The following ELMO1 variants were observed in gnomAD, a reference collection of about 807,000 sequenced individuals.
ELMO1 encodes the protein engulfment and cell motility protein 1.
A neutral mutation model predicts 98.9 loss-of-function variants in ELMO1; 26 were observed. That is an observed-to-expected ratio of 0.26 (90% CI 0.19 to 0.36). The LOEUF (loss-of-function observed/expected upper bound fraction) is 0.36, where lower values mean the gene tolerates loss of function less well. Ranked by LOEUF, ELMO1 falls within the 10% of genes least tolerant of loss-of-function variation. ELMO1 has a pLI of 1.00. For synonymous variants in ELMO1, 346 were observed against 346.0 expected, an observed-to-expected ratio of 1.00 and a Z score of 0.00; for missense variants, 627 against 935.2, an observed-to-expected ratio of 0.67 and a Z score of 4.30.
At chr7:37,253,991 C>A (rs1239393698) in intron 6 of ELMO1, among the ~76,000 whole-genome samples, 1 of 152,154 alleles carries the variant, frequency 6.6e-6, no homozygotes, top group Admixed American at 6.5e-5. Flanking sequence ...TAATTGAAGT[C>A]TTGCTCTAAG....
chr7:37,286,186 G>C (rs1321095606), intron 4 of ELMO1, among the ~76,000 whole-genome samples: 2 of 152,172 alleles, frequency 1.3e-5, no homozygotes, highest in African/African-American at 4.8e-5. Flanking sequence ...GAGAGGATGA[G>C]ATAAAAACAT....
rs567165290 is a variant in ELMO1 at position 37,157,997 on chromosome 7, A to G, written c.1087-24763T>C. Among the ~76,000 whole-genome samples, 24 of 152,166 alleles carry G rather than the reference A, an allele frequency of 1.6e-4. 1 individual carries two copies. The South Asian group carries it at 5.0e-3, about 32-fold the overall frequency. ...ACAGAACAGAGCCCTCAGAAATAAC[A>G]CCACACATCTACAACCATCTGATCT... On this transcript the variant is annotated intron_variant, in intron 13 of 21. Transcript: ENST00000310758.
chr7:37,225,083 C>A, intron 8 of ELMO1, 53 bp from the exon 9 acceptor site: 1 of 1,601,734 alleles, frequency 6.2e-7, no homozygotes, highest in South Asian at 1.1e-5. Flanking sequence ...AGAGCAGAGA[C>A]GTGGAGAAGG....
intron 15 of ELMO1, among the ~76,000 whole-genome samples, chr7:37,078,149 T>A (rs1797683239): frequency 6.6e-6 from 1 of 152,120 alleles, no homozygotes; most frequent in Admixed American, 6.5e-5. Context: ...GTAAATAGAA[T>A]AATGAATATA....
At chr7:37,221,198 A>G (rs1280769166) in intron 10 of ELMO1, among the ~76,000 whole-genome samples, 5 of 152,218 alleles carry the variant, frequency 3.3e-5, no homozygotes, top group Non-Finnish European at 5.9e-5. Flanking sequence ...GAAACTATAA[A>G]GTGACACCAC....
rs184391593 is a variant in ELMO1 at position 37,031,107 on chromosome 7, G to A, written c.1301-17672C>T. The stretch of plus-strand genomic sequence containing the variant: ...CACTGCCACTGACCTTGGTTCAGGT[G>A]CTCATCACTGCTCTTCCGGATTAAG... On this transcript the variant is annotated intron_variant, in intron 15 of 21. Transcript: ENST00000310758. 3.3e-5 allele frequency among the ~76,000 whole-genome samples: 5 copies of A among 152,080 alleles called. No individual in the cohort carries two copies. The East Asian group carries it at 9.7e-4, about 29-fold the overall frequency.
chr7:37,110,922 G>A (rs1584660111), intron 14 of ELMO1, among the ~76,000 whole-genome samples: 1 of 152,174 alleles, frequency 6.6e-6, no homozygotes, highest in South Asian at 2.1e-4. Flanking sequence ...TAAGCTCTTT[G>A]GGGAAGAATT....
chr7:37,205,525 C>T (rs958710137), intron 13 of ELMO1, among the ~76,000 whole-genome samples: 3 of 152,102 alleles, frequency 2.0e-5, no homozygotes, highest in Admixed American at 6.6e-5. Context: ...TCTTACACTT[C>T]GGAACATAAA....
intron 16 of ELMO1, among the ~76,000 whole-genome samples, chr7:36,931,233 G>C (rs966983519): frequency 1.3e-5 from 2 of 152,218 alleles, no homozygotes; most frequent in Admixed American, 1.3e-4. Context: ...AGCTGCTTAA[G>C]ACGTAATGGA....
intron 4 of ELMO1, among the ~76,000 whole-genome samples, chr7:37,277,471 T>C (rs1364515573): frequency 6.6e-6 from 1 of 152,136 alleles, no homozygotes; most frequent in African/African-American, 2.4e-5. Flanking sequence ...CGCTTAGAGC[T>C]GGAGATGCAG....
intron 6 of ELMO1, among the ~76,000 whole-genome samples, chr7:37,256,544 AAGGAAGAAAGG>A: frequency 2.0e-5 from 2 of 102,344 alleles, no homozygotes; most frequent in African/African-American, 1.1e-4. Context: ...GGAAGGAAAG[AAGGAAGAAAGG>A]AAGGAAGGAA....
intron 16 of ELMO1, among the ~76,000 whole-genome samples, chr7:36,938,628 T>G (rs529223107): frequency 6.6e-6 from 1 of 152,374 alleles, no homozygotes; most frequent in Non-Finnish European, 1.5e-5. Flanking sequence ...ATATTATGAT[T>G]AACCATAACC....
At chr7:37,426,351 C>T (rs956783736) in intron 1 of ELMO1, among the ~76,000 whole-genome samples, 2 of 151,972 alleles carry the variant, frequency 1.3e-5, no homozygotes, top group African/African-American at 4.8e-5. Flanking sequence ...GACAGGGTTT[C>T]ACCACGTTGG....
intron 13 of ELMO1, among the ~76,000 whole-genome samples, chr7:37,182,598 T>G (rs972895105): frequency 6.6e-6 from 1 of 151,182 alleles, no homozygotes; most frequent in Non-Finnish European, 1.5e-5. Flanking sequence ...CTCTCTCTCT[T>G]CTCTCTCCCT....
At chr7:36,954,992 C>T (rs1378711379) in intron 16 of ELMO1, among the ~76,000 whole-genome samples, 1 of 152,186 alleles carries the variant, frequency 6.6e-6, no homozygotes, top group Admixed American at 6.5e-5. Context: ...GAAGTTGTAA[C>T]AAAGCTAAAT....
intron 16 of ELMO1, among the ~76,000 whole-genome samples, chr7:36,937,988 G>A (rs1243933241): frequency 4.6e-5 from 7 of 152,294 alleles, no homozygotes; most frequent in South Asian, 2.1e-4. Context: ...GCTTATGGTC[G>A]CATCCAGGAG....
At chr7:37,270,443 T>G (rs1268942717) in intron 5 of ELMO1, 4 of 152,250 alleles carry the variant, frequency 2.6e-5, no homozygotes, top group African/African-American at 9.6e-5. Flanking sequence ...AGCTTAATTT[T>G]AGCCAGATGC....
rs775053751 is a variant in ELMO1, at chr7:37,020,744, C to T, written c.1301-7309G>A. On this transcript the variant is annotated intron_variant, in intron 15 of 21. Coordinates refer to ENST00000310758, the MANE Select transcript of ELMO1 (RefSeq NM_014800.11). ...ATATGAATATTTTTTACCATGACTT[C>T]ATGAGCTATTGCAACTGCCTTTGGA... Among the ~76,000 whole-genome samples, 12 of 152,314 alleles carry T rather than the reference C, an allele frequency of 7.9e-5. 1 individual carries two copies. In the South Asian group the frequency reaches 2.3e-3, roughly 29 times the overall value.
intron 13 of ELMO1, among the ~76,000 whole-genome samples, chr7:37,161,905 A>AATATAT (rs6150082): frequency 0.061 from 2,567 of 42,362 alleles, 384 homozygotes; most frequent in Middle Eastern, 0.11. Context: ...CAGGTAATCA[A>AATATAT]ATATATATAT....
Sources: gnomAD v4.1 joint callset for allele counts (sites outside exome capture counted in the v4.1 genomes callset) on GRCh38, gnomAD v4.1.1 for gene constraint, MANE v1.5 for transcripts, NCBI Gene and HGNC (gene_info 2026-07-23, HGNC 2026-07-21) for gene names.